The following LSS variants were observed in gnomAD, a reference collection of about 807,000 sequenced individuals.
LSS encodes the protein 2,3-epoxysqualene-lanosterol cyclase.
Under a neutral mutation model 110.3 loss-of-function variants are expected in LSS, and 90 were observed. The ratio of observed to expected loss-of-function variants is 0.82; its 90% CI spans 0.69 to 0.97. LSS has a LOEUF of 0.97. Ranked by LOEUF, LSS falls within the 50% of genes least tolerant of loss-of-function variation. LSS has a pLI of 0.00. For missense variants in LSS, 927 were observed against 990.0 expected, an observed-to-expected ratio of 0.94 and a Z score of 0.85; for synonymous variants, 433 against 400.0, an observed-to-expected ratio of 1.08 and a Z score of -0.98.
chr21:46,217,731 C>T (rs2080225441), intron 6 of LSS, among the ~76,000 whole-genome samples: 1 of 152,212 alleles, frequency 6.6e-6, no homozygotes, highest in African/African-American at 2.4e-5. Context: ...GATGAGACGC[C>T]CTCACCAGCA....
Position 46,207,480 on chromosome 21 carries a change from G to T in LSS, c.1415C>A (p.Pro472His). 1.9e-6 allele frequency: 3 copies of T among 1,612,466 alleles called. No homozygotes were observed. Among genetic ancestry groups the T allele is most frequent in the Non-Finnish European group, 1.7e-6 (2 of 1,179,538 alleles). ...KAVLLLQEKC[P>H]HVTEHIPRER... Reference sequence around the variant, plus strand: ...TCTGGGGATGTGCTCGGTGACATGGGGACACTTCTCCTGCAGGAGCAGCAC... The same window carrying T: ...TCTGGGGATGTGCTCGGTGACATGGTGACACTTCTCCTGCAGGAGCAGCAC... Residue 472 changes from proline to histidine, a missense_variant, in exon 15 of 22, where the codon CCC becomes CAC. Pro to His is a moderately conservative substitution (Grantham distance 77). Transcript: ENST00000397728.
chr21:46,225,370 T>TG, intron 3 of LSS: 1 of 453,084 alleles, frequency 2.2e-6, no homozygotes, highest in South Asian at 1.6e-5. Flanking sequence ...AGAGGCCCGT[T>TG]GCCAAGCGGA....
At position 46,209,930 on chromosome 21, in the gene LSS, G is replaced by A. The variant is rs2080106543; in HGVS notation, c.1195-305C>T. 6.6e-6 allele frequency among the ~76,000 whole-genome samples: 1 copy of A among 152,176 alleles called. No homozygotes were observed. Among genetic ancestry groups the A allele is most frequent in the South Asian group, 2.1e-4 (1 of 4,836 alleles). Reference sequence around the variant, plus strand: ...AGCACCCTGTGTAGGCAGGCCCTTTGCGTGGCCCAGCCCTCAGGGCTCTCC... The same window carrying A: ...AGCACCCTGTGTAGGCAGGCCCTTTACGTGGCCCAGCCCTCAGGGCTCTCC... On this transcript the variant is annotated intron_variant, in intron 12 of 21. Coordinates refer to ENST00000397728, the MANE Select transcript of LSS (RefSeq NM_002340.6). This position sits in a 1 kb window ranked among gnomAD's most constrained non-coding sequence, Gnocchi z 4.4.
intron 20 of LSS, 141 bp downstream of exon 20, chr21:46,194,350 G>T: frequency 1.0e-6 from 1 of 989,884 alleles, no homozygotes; most frequent in Non-Finnish European, 1.5e-6. Context: ...TCTTGTAGGT[G>T]TCTGTTCCCA....
chr21:46,228,625 C>G (rs777109965), intron 1 of LSS, 26 bp from the exon 2 acceptor site: 1 of 1,592,408 alleles, frequency 6.3e-7, no homozygotes, highest in South Asian at 1.1e-5. Context: ...CATCAGCGAC[C>G]CAGGCCCCGC....
At chr21:46,199,489 G>T (rs2079951919) in intron 17 of LSS, among the ~76,000 whole-genome samples, 1 of 152,190 alleles carries the variant, frequency 6.6e-6, no homozygotes, top group Admixed American at 6.5e-5. Flanking sequence ...CTTACCATAG[G>T]ATCCCGCAAT....
intron 3 of LSS, among the ~76,000 whole-genome samples, chr21:46,225,873 T>C (rs889000811): frequency 6.6e-6 from 1 of 152,130 alleles, no homozygotes; most frequent in Admixed American, 6.5e-5. Flanking sequence ...AGCCTGGCAT[T>C]CAGGGCCACT....
intron 20 of LSS, 47 bp from the exon 21 acceptor site, chr21:46,192,006 A>T: frequency 7.4e-7 from 1 of 1,347,470 alleles, no homozygotes; most frequent in Non-Finnish European, 1.1e-6. Flanking sequence ...ATGCCCCCAC[A>T]GCATCATCCT....
intron 20 of LSS, chr21:46,192,808 ATC>A (rs1296951213): frequency 4.5e-6 from 2 of 447,202 alleles, no homozygotes; most frequent in South Asian, 1.6e-5. Context: ...CTGTGTGTAC[ATC>A]TGTCTCCATG....
Position 46,191,067 on chromosome 21 carries a change from G to A in LSS, c.*37C>T, listed in dbSNP as rs1394451662. Reference sequence around the variant, plus strand: ...CCGGCCAGGACCCCTTGGCCTCACTGGAACGCACAGACGGCACCCAGCAGG... The same window carrying A: ...CCGGCCAGGACCCCTTGGCCTCACTAGAACGCACAGACGGCACCCAGCAGG... On this transcript the variant is annotated 3_prime_UTR_variant, in exon 22 of 22. Transcript: ENST00000397728. The A allele has an allele frequency of 3.7e-6, 6 of 1,612,794 alleles. No individual in the cohort carries two copies. In the African/African-American group the frequency reaches 4.0e-5, roughly 11 times the overall value.
chr21:46,192,103 C>T, intron 20 of LSS, 144 bp from the exon 21 acceptor site: 1 of 680,492 alleles, frequency 1.5e-6, no homozygotes, highest in Non-Finnish European at 2.6e-6. Flanking sequence ...CAGGCCCCGC[C>T]AGGTGCAGCC....
At chr21:46,219,399 C>T in intron 6 of LSS, 77 bp downstream of exon 6, 1 of 1,061,146 alleles carries the variant, frequency 9.4e-7, no homozygotes, top group Non-Finnish European at 1.3e-6. Flanking sequence ...ACAGCCTGCA[C>T]CTGACCCACG....
intron 17 of LSS, among the ~76,000 whole-genome samples, chr21:46,199,753 C>A (rs2079955757): frequency 6.6e-6 from 1 of 152,142 alleles, no homozygotes; most frequent in Non-Finnish European, 1.5e-5. Context: ...TCTGAAAAGG[C>A]AAAACTATGG....
rs759489035 is a variant in LSS at position 46,213,746 on chromosome 21, G to A, written c.1101C>T (p.Asp367=). ...AFQEHVSRIP[D]YLWMGLDGMK... is the part of the protein sequence containing the mutation. ...ATCCCAGCCACACTCACCAGAGATA[G>A]TCCGGGATTCTGGAGACATGCTCCT... Residue 367 remains aspartate (D), a synonymous_variant, in exon 10 of 22, where the codon GAC becomes GAT. Transcript: ENST00000397728. 3 of 1,613,504 alleles carry A rather than the reference G, an allele frequency of 1.9e-6. No homozygotes were observed. The highest frequency in any genetic ancestry group is 2.5e-6 in the Non-Finnish European group (3 of 1,179,744).
rs960444929 is a variant in LSS at position 46,228,578 on chromosome 21, GC to G, written c.35del (p.Gly12AlafsTer67). On this transcript the variant is annotated frameshift_variant, in exon 2 of 22. Coordinates refer to ENST00000397728, the MANE Select transcript of LSS (RefSeq NM_002340.6). LOFTEE classifies it high-confidence loss of function. ...TEGTCLRRRG[G>X]PYKTEPATDL... The stretch of plus-strand genomic sequence containing the variant: ...CGGTGGCGGGCTCGGTCTTGTAGGG[GC>G]CCCCTCGGCGCCGCAGACACCTGAG... 3.8e-6 allele frequency: 6 copies of G among 1,592,254 alleles called. No individual in the cohort carries two copies. The African/African-American group carries it at 6.7e-5, about 18-fold the overall frequency.
intron 6 of LSS, among the ~76,000 whole-genome samples, chr21:46,218,536 A>G (rs2080235712): frequency 6.6e-6 from 1 of 151,936 alleles, no homozygotes; most frequent in Non-Finnish European, 1.5e-5. Flanking sequence ...AGGCAGGAGA[A>G]TTGCTTGAAT....
rs1198585705 is a variant in LSS at position 46,216,065 on chromosome 21, A to AAC, written c.784-274_784-273dup. Among the ~76,000 whole-genome samples, 1 of 152,092 alleles carries AAC rather than the reference A, an allele frequency of 6.6e-6. No homozygotes were observed. The highest frequency in any genetic ancestry group is 1.5e-5 in the Non-Finnish European group (1 of 67,998). ...CTTCTTCCCCATGGCAGGCCTGATA[A>AAC]ACATCCTGCACCTCAAACCTCGCCT... On this transcript the variant is annotated intron_variant, in intron 7 of 21. Coordinates refer to ENST00000397728, the MANE Select transcript of LSS (RefSeq NM_002340.6). The surrounding 1 kb of genome is among the most constrained non-coding windows in gnomAD (Gnocchi z 4.2).
Position 46,228,748 on chromosome 21 carries a change from C to A in LSS, c.-3G>T. On this transcript the variant is annotated 5_prime_UTR_variant, in exon 1 of 22. Coordinates refer to ENST00000397728, the MANE Select transcript of LSS (RefSeq NM_002340.6). ...GGGACTCACGTGCCCTCCGTCATTG[C>A]TGCTGCAGTGCTCTACGCCGCCCAC... is the stretch of plus-strand genomic sequence containing the variant. 1 of 1,598,142 alleles carries A rather than the reference C, an allele frequency of 6.3e-7. No homozygotes were observed. The highest frequency in any genetic ancestry group is 1.3e-5 in the African/African-American group (1 of 74,576).
rs923157456 is a variant in LSS, at chr21:46,210,555, G to A, written c.1194+133C>T. On this transcript the variant is annotated intron_variant, in intron 12 of 21. Transcript: ENST00000397728. ...ACAGCACGACCCTCTGAAGCCAGAGGCCAGAGCCCAGGTCACTGGAAGTAT... is the reference window on the plus strand; with the variant it reads ...ACAGCACGACCCTCTGAAGCCAGAGACCAGAGCCCAGGTCACTGGAAGTAT... 5.5e-6 allele frequency: 5 copies of A among 910,754 alleles called. No homozygotes were observed. In the East Asian group the frequency reaches 1.1e-4, roughly 19 times the overall value. The allele number at this position is 910,754 out of a possible 1,614,324, so 56.4% of individuals were successfully genotyped here. A position where few individuals can be genotyped will look rare whatever the true frequency, so the allele number is the denominator to read the frequency against.
Sources: allele counts gnomAD v4.1 joint callset (sites outside exome capture counted in the v4.1 genomes callset), GRCh38; gene constraint gnomAD v4.1.1; non-coding constraint Gnocchi (gnomAD v3.1); transcripts MANE v1.5; gene names NCBI Gene and HGNC (gene_info 2026-07-23, HGNC 2026-07-21).